The following SYCP2L variants were observed in gnomAD, a reference collection of about 807,000 sequenced individuals.
SYCP2L encodes the protein synaptonemal complex protein 2-like.
A neutral mutation model predicts 125.8 loss-of-function variants in SYCP2L; 98 were observed. That is an observed-to-expected ratio of 0.78 (90% CI 0.66 to 0.92). The LOEUF (loss-of-function observed/expected upper bound fraction) is 0.92. SYCP2L is among the 40% of genes least tolerant of loss of function. The probability of loss-of-function intolerance (pLI) is 0.00; values close to 1 mark genes in which losing one functional copy is unlikely to be tolerated. For synonymous variants in SYCP2L, 317 were observed against 325.4 expected (o/e 0.97, Z 0.28); for missense variants, 842 against 936.4 (o/e 0.90, Z 1.32).
Position 10,916,824 on chromosome 6 carries a change from T to C in SYCP2L, c.1072+3897T>C, listed in dbSNP as rs1780702516. Among the ~76,000 whole-genome samples, 4 of 152,264 alleles carry C rather than the reference T, an allele frequency of 2.6e-5. No homozygotes were observed. In the South Asian group the frequency reaches 8.3e-4, roughly 32 times the overall value. ...GGTCAACATGGTGAAACCCTGTCTC[T>C]ACTAAAAATACAAAAAAATTAGCCG... On this transcript the variant is annotated intron_variant, in intron 14 of 29. Coordinates refer to ENST00000283141, the MANE Select transcript of SYCP2L (RefSeq NM_001040274.3).
chr6:10,942,922 A>G (rs894494749), intron 23 of SYCP2L, among the ~76,000 whole-genome samples, 176 bp downstream of exon 23: 4 of 152,122 alleles, frequency 2.6e-5, no homozygotes, highest in Non-Finnish European at 5.9e-5. Context: ...CATGAAGGTT[A>G]GGAGGAAAAA....
At chr6:10,930,895 A>G (rs1290169131) in intron 19 of SYCP2L, among the ~76,000 whole-genome samples, 1 of 152,218 alleles carries the variant, frequency 6.6e-6, no homozygotes, top group East Asian at 1.9e-4. Context: ...CTACAAGGGC[A>G]TGCATGGTGG....
intron 2 of SYCP2L, among the ~76,000 whole-genome samples, chr6:10,893,107 G>T (rs1446240586): frequency 6.8e-6 from 1 of 146,386 alleles, no homozygotes; most frequent in Non-Finnish European, 1.5e-5. Flanking sequence ...CTAGGTTCAA[G>T]CGATTCTCCT....
intron 14 of SYCP2L, among the ~76,000 whole-genome samples, chr6:10,917,131 G>A (rs774015001): frequency 1.4e-4 from 21 of 152,188 alleles, no homozygotes; most frequent in Non-Finnish European, 2.4e-4. Flanking sequence ...GTTGTTGGAT[G>A]GAATGTTCTG....
At chr6:10,888,859 A>G (rs1372879507) in intron 1 of SYCP2L, among the ~76,000 whole-genome samples, 1 of 152,102 alleles carries the variant, frequency 6.6e-6, no homozygotes, top group Non-Finnish European at 1.5e-5. Flanking sequence ...TTATGCTATG[A>G]ATTAACACCC....
intron 17 of SYCP2L, among the ~76,000 whole-genome samples, chr6:10,927,780 A>G (rs1314450504): frequency 6.6e-6 from 1 of 152,172 alleles, no homozygotes; most frequent in African/African-American, 2.4e-5. Context: ...TCGCCCTAAT[A>G]AGCCTGGGAG....
intron 14 of SYCP2L, among the ~76,000 whole-genome samples, chr6:10,922,465 C>CTTT (rs1205724403): frequency 2.9e-5 from 4 of 135,656 alleles, no homozygotes; most frequent in South Asian, 2.4e-4. Flanking sequence ...TAGCTAGTTA[C>CTTT]TTTTTTTTTT....
In SYCP2L at chr6:10,963,636, G is replaced by A. The variant is rs77677046; in HGVS notation, c.2415-146G>A. On this transcript the variant is annotated intron_variant, in intron 28 of 29. Transcript: ENST00000283141. ...TCAGATGAACATGTTAATCTCTTAC[G>A]TTAATATCCTGGGGTGTTGGTGTCT... 1,749 of 719,716 alleles carry A rather than the reference G, an allele frequency of 2.4e-3. 20 individuals carry two copies. The African/African-American group carries it at 0.026, about 11-fold the overall frequency. 44.6% of individuals were successfully genotyped at this position (719,716 alleles called of 1,614,324 possible).
chr6:10,972,899 T>C (rs192519027), intron 29 of SYCP2L, among the ~76,000 whole-genome samples: 1 of 152,258 alleles, frequency 6.6e-6, no homozygotes, highest in Admixed American at 6.5e-5. Flanking sequence ...GTCTGCATCA[T>C]AGTGGCCAGA....
chr6:10,971,553 C>T (rs927493096), intron 29 of SYCP2L, among the ~76,000 whole-genome samples: 5 of 151,994 alleles, frequency 3.3e-5, no homozygotes, highest in African/African-American at 4.8e-5. Context: ...TTTGCTCTCT[C>T]CAGCCTTTCC....
In SYCP2L at chr6:10,932,042, A is replaced by G. The variant is rs530041373; in HGVS notation, c.1683+553A>G. Among the ~76,000 whole-genome samples, 4 of 117,770 alleles carry G rather than the reference A, an allele frequency of 3.4e-5. No individual in the cohort carries two copies. In the East Asian group the frequency reaches 1.1e-3, roughly 33 times the overall value. The allele number at this position is 117,770 out of a possible 152,430, so 77.3% of individuals were successfully genotyped here. ...CAAATGTTGCTGGAGGATGTTTATT[A>G]TGAATGATGCTAAAATTCTGGGCTA... On this transcript the variant is annotated intron_variant, in intron 20 of 29. Transcript: ENST00000283141.
At chr6:10,946,640 G>T (rs756634291) in intron 23 of SYCP2L, among the ~76,000 whole-genome samples, 5 of 152,032 alleles carry the variant, frequency 3.3e-5, no homozygotes, top group Non-Finnish European at 5.9e-5. Flanking sequence ...ATACATCAAA[G>T]AAATTATTCA....
At chr6:10,913,810 G>C (rs1262551571) in intron 14 of SYCP2L, among the ~76,000 whole-genome samples, 1 of 151,946 alleles carries the variant, frequency 6.6e-6, no homozygotes, top group Non-Finnish European at 1.5e-5. Flanking sequence ...TGTCTAGAAG[G>C]GTTTTTCCAA....
intron 20 of SYCP2L, among the ~76,000 whole-genome samples, chr6:10,934,395 TTGGC>T (rs1048429921): frequency 1.4e-4 from 21 of 152,272 alleles, no homozygotes; most frequent in African/African-American, 4.1e-4. Context: ...CAACTGGAAA[TTGGC>T]TGGGTGCGGT....
At chr6:10,944,277 T>C (rs1781272610) in intron 23 of SYCP2L, among the ~76,000 whole-genome samples, 1 of 152,250 alleles carries the variant, frequency 6.6e-6, no homozygotes, top group Admixed American at 6.5e-5. Flanking sequence ...GATTGAAATT[T>C]AGCATAATTT....
chr6:10,971,118 T>C (rs1781762458), intron 29 of SYCP2L, among the ~76,000 whole-genome samples: 1 of 152,188 alleles, frequency 6.6e-6, no homozygotes, highest in East Asian at 1.9e-4. Flanking sequence ...TGTGTGGTGA[T>C]ATTTAAAGTA....
Position 10,927,256 on chromosome 6 carries a change from C to T in SYCP2L, c.1329C>T (p.Ser443=), listed in dbSNP as rs765195079. The T allele has an allele frequency of 6.2e-7, 1 of 1,614,064 alleles. No homozygotes were observed. Among genetic ancestry groups the T allele is most frequent in the Non-Finnish European group, 8.5e-7 (1 of 1,179,982 alleles). ...TTTGTATAGAGCAGGCAGAAGAATC[C>T]ACTAACATGGTGGAGTTTATGAGTG... ...LERETEQAEE[S]TNMVEFMSAE... is the part of the protein sequence containing the mutation. Residue 443 remains serine, a synonymous_variant, in exon 17 of 30, where the codon TCC becomes TCT. Coordinates refer to ENST00000283141, the MANE Select transcript of SYCP2L (RefSeq NM_001040274.3).
chr6:10,889,279 A>T (rs1000449257), intron 1 of SYCP2L, among the ~76,000 whole-genome samples: 6 of 152,176 alleles, frequency 3.9e-5, no homozygotes, highest in African/African-American at 1.4e-4. Flanking sequence ...TTTAATTGAC[A>T]CATATATTAA....
chr6:10,909,593 G>C (rs956297767), intron 10 of SYCP2L, among the ~76,000 whole-genome samples: 1 of 152,192 alleles, frequency 6.6e-6, no homozygotes. Flanking sequence ...GGGGGCAGCA[G>C]ATTTCTTCCT....
Sources: allele counts gnomAD v4.1 joint callset (sites outside exome capture counted in the v4.1 genomes callset), GRCh38; gene constraint gnomAD v4.1.1; transcripts MANE v1.5; gene names NCBI Gene and HGNC (gene_info 2026-07-23, HGNC 2026-07-21).